Variants in CRACDL observed in about 807,000 individuals in gnomAD.
CRACDL encodes the protein CRACD like.
Under a neutral mutation model 70.6 loss-of-function variants are expected in CRACDL, and 26 were observed. The ratio of observed to expected loss-of-function variants is 0.37; its 90% CI spans 0.27 to 0.51. The LOEUF is 0.51. Among genes scored for constraint, CRACDL ranks in the 20% least tolerant of loss-of-function variants. The probability of loss-of-function intolerance (pLI) is 0.94; values close to 1 mark genes in which losing one functional copy is unlikely to be tolerated. For missense variants in CRACDL, 1,283 were observed against 1,376.9 expected, an observed-to-expected ratio of 0.93 and a Z score of 1.08; for synonymous variants, 618 against 615.2, an observed-to-expected ratio of 1.00 and a Z score of -0.07.
intron 6 of CRACDL, among the ~76,000 whole-genome samples, chr2:98,825,149 G>A (rs192677591): frequency 6.6e-6 from 1 of 152,150 alleles, no homozygotes; most frequent in Non-Finnish European, 1.5e-5. Context: ...ATGACCAACG[G>A]GCAAAGGGTG....
chr2:98,869,464 C>A, intron 1 of CRACDL: 1 of 267,864 alleles, frequency 3.7e-6, no homozygotes, highest in Non-Finnish European at 7.3e-6. Flanking sequence ...ACTCGCCTCC[C>A]TGTGATTGGC....
intron 6 of CRACDL, among the ~76,000 whole-genome samples, chr2:98,825,554 A>G (rs1450249776): frequency 2.0e-5 from 3 of 152,226 alleles, no homozygotes; most frequent in Non-Finnish European, 1.5e-5. Flanking sequence ...CCCTGGCCAG[A>G]GCCAAAGACA....
intron 1 of CRACDL, among the ~76,000 whole-genome samples, chr2:98,853,465 T>A (rs574199283): frequency 6.6e-6 from 1 of 152,216 alleles, no homozygotes; most frequent in East Asian, 1.9e-4. Flanking sequence ...AAAAGTGATA[T>A]GTACTACACT....
At chr2:98,914,149 G>A (rs977826175) in intron 1 of CRACDL, among the ~76,000 whole-genome samples, 8 of 152,242 alleles carry the variant, frequency 5.3e-5, no homozygotes, top group Non-Finnish European at 1.0e-4. Flanking sequence ...CGAGGCAGGA[G>A]CCAGGTAGGG....
chr2:98,904,719 CTATGTT>C (rs989809398), intron 1 of CRACDL, among the ~76,000 whole-genome samples: 12 of 152,304 alleles, frequency 7.9e-5, no homozygotes, highest in Admixed American at 7.2e-4. Context: ...TATTGTGTCT[CTATGTT>C]TATGAAGAAT....
At chr2:98,845,886 AG>A (rs1288212122) in intron 2 of CRACDL, among the ~76,000 whole-genome samples, 1 of 152,228 alleles carries the variant, frequency 6.6e-6, no homozygotes, top group Non-Finnish European at 1.5e-5. Flanking sequence ...TGAAATAATA[AG>A]AAAAAATCTA....
chr2:98,838,877 C>T (rs1231086436), intron 2 of CRACDL, among the ~76,000 whole-genome samples: 1 of 152,116 alleles, frequency 6.6e-6, no homozygotes, highest in African/African-American at 2.4e-5. Context: ...CCCAACTCTG[C>T]CATGCTTCCT....
intron 1 of CRACDL, among the ~76,000 whole-genome samples, chr2:98,931,102 A>G (rs1295235992): frequency 6.6e-6 from 1 of 152,166 alleles, no homozygotes; most frequent in Non-Finnish European, 1.5e-5. Flanking sequence ...TGGTGGGTGG[A>G]TCACTTGAGG....
At chr2:98,820,032 C>G (rs541991751) in intron 7 of CRACDL, among the ~76,000 whole-genome samples, 2 of 151,190 alleles carry the variant, frequency 1.3e-5, no homozygotes, top group African/African-American at 2.4e-5. Context: ...GTTGGCCAGG[C>G]TGGTCTTGAA....
chr2:98,817,548 A>C (rs944844159), intron 7 of CRACDL, among the ~76,000 whole-genome samples: 5 of 152,142 alleles, frequency 3.3e-5, no homozygotes, highest in African/African-American at 1.2e-4. Flanking sequence ...GTGACATACA[A>C]AGACAAGGTG....
chr2:98,806,756 A>T (rs1304613814), intron 7 of CRACDL, among the ~76,000 whole-genome samples: 1 of 152,242 alleles, frequency 6.6e-6, no homozygotes, highest in African/African-American at 2.4e-5. Flanking sequence ...ATTGAGAAAA[A>T]GGTGAAAAAT....
intron 3 of CRACDL, 61 bp downstream of exon 3, chr2:98,838,058 C>A: frequency 7.1e-7 from 1 of 1,405,112 alleles, no homozygotes; most frequent in Non-Finnish European, 9.7e-7. Context: ...AGCAAGTTAC[C>A]AGGATAATGA....
chr2:98,815,258 C>A (rs1283737359), intron 7 of CRACDL, among the ~76,000 whole-genome samples: 1 of 152,168 alleles, frequency 6.6e-6, no homozygotes, highest in African/African-American at 2.4e-5. Flanking sequence ...TGGTTCATAT[C>A]CTACAGATTT....
chr2:98,933,098 C>T (rs530513674), intron 1 of CRACDL, among the ~76,000 whole-genome samples: 4 of 152,288 alleles, frequency 2.6e-5, no homozygotes, highest in African/African-American at 9.6e-5. Flanking sequence ...AATAGGGGCC[C>T]AGAAGAGACC....
chr2:98,810,920 C>G (rs1435487051), intron 7 of CRACDL, among the ~76,000 whole-genome samples: 2 of 151,390 alleles, frequency 1.3e-5, no homozygotes, highest in African/African-American at 2.4e-5. Flanking sequence ...ACACAGAACA[C>G]ATACAGTGTA....
rs572235613 is a variant in CRACDL, at chr2:98,858,867, T to A, written c.-10-12057A>T. 1.3e-3 allele frequency among the ~76,000 whole-genome samples: 197 copies of A among 152,244 alleles called. 2 individuals are homozygous for A. The highest frequency in any genetic ancestry group is 7.3e-3 in the South Asian group (35 of 4,822). ...TAAGGGAATATTATGTATTACTGTA[T>A]GCCAAAAAATTAGACAACCTAGATG... is the stretch of plus-strand genomic sequence containing the variant. On this transcript the variant is annotated intron_variant, in intron 1 of 9. Coordinates refer to ENST00000397899, the MANE Select transcript of CRACDL (RefSeq NM_207362.3).
chr2:98,888,519 T>G (rs1281120360), intron 1 of CRACDL, among the ~76,000 whole-genome samples: 1 of 152,072 alleles, frequency 6.6e-6, no homozygotes, highest in Non-Finnish European at 1.5e-5. Flanking sequence ...ACTAAAAAAA[T>G]GGTAGAAGAA....
At chr2:98,795,077 A>ATATATATATATATATATATTT in intron 9 of CRACDL, among the ~76,000 whole-genome samples, 3 of 58,506 alleles carry the variant, frequency 5.1e-5, no homozygotes, top group Admixed American at 2.2e-4. Context: ...ATATATATAT[A>ATATATATATATATATATATTT]TTTTTTTTTT....
intron 2 of CRACDL, among the ~76,000 whole-genome samples, chr2:98,839,296 G>A (rs1705921552): frequency 6.6e-6 from 1 of 152,190 alleles, no homozygotes; most frequent in Non-Finnish European, 1.5e-5. Context: ...CCTCTCCAAG[G>A]ATAAGTCAGT....
Sources: gnomAD v4.1 joint callset for allele counts (sites outside exome capture counted in the v4.1 genomes callset) on GRCh38, gnomAD v4.1.1 for gene constraint, MANE v1.5 for transcripts, NCBI Gene and HGNC (gene_info 2026-07-23, HGNC 2026-07-21) for gene names.